SH2B1: variants seen among roughly 807,000 people sequenced by gnomAD.
SH2B1 encodes SH2B adapter protein 1.
In SH2B1, 15 loss-of-function variants were observed where a neutral mutation model predicts 62.6. The ratio of observed to expected loss-of-function variants is 0.24; its 90% CI spans 0.16 to 0.37. The LOEUF (loss-of-function observed/expected upper bound fraction) is 0.37, where lower values mean the gene tolerates loss of function less well. Among genes scored for constraint, SH2B1 ranks in the 10% least tolerant of loss-of-function variants. SH2B1 has a pLI of 1.00. For missense variants in SH2B1, 925 were observed against 1,015.6 expected, an observed-to-expected ratio of 0.91 and a Z score of 1.21; for synonymous variants, 443 against 438.0, an observed-to-expected ratio of 1.01 and a Z score of -0.14.
Position 28,852,558 on chromosome 16 carries a change from TTA to T in SH2B1, c.-301+5740_-301+5741del, listed in dbSNP as rs1231346104. On this transcript the variant is annotated intron_variant, in intron 1 of 10. Transcript: ENST00000322610. Reference sequence around the variant, plus strand: ...CATATATTTATATATATACACATATTTATATATATACACATATATATTTATAT... The same window carrying T: ...CATATATTTATATATATACACATATTTATATATACACATATATATTTATAT... 7.0e-4 allele frequency among the ~76,000 whole-genome samples: 12 copies of T among 17,260 alleles called. 4 individuals carry two copies. Among genetic ancestry groups the T allele is most frequent in the African/African-American group, 1.3e-3 (2 of 1,536 alleles). The allele number at this position is 17,260 out of a possible 152,430, so 11.3% of individuals were successfully genotyped here.
Position 28,871,962 on chromosome 16 carries a change from G to T in SH2B1, c.1492G>T (p.Asp498Tyr). 1 of 1,607,690 alleles carries T rather than the reference G, an allele frequency of 6.2e-7. No individual in the cohort carries two copies. The highest frequency in any genetic ancestry group is 1.3e-5 in the African/African-American group (1 of 74,628). The part of the protein sequence containing the change: ...HPLSAPYPPL[D>Y]TPETATGSFL... ...CCTCTCAGCCCCCTACCCTCCCTTG[G>T]ACACTCCGGAAACAGCCACAGGTAC... The change falls in exon 5 of 8, where the codon GAC becomes TAC. Residue 498 changes from aspartate to tyrosine, a missense_variant. Asp to Tyr is a radical substitution (Grantham distance 160). This residue lies in a region of SH2B1 where 683 missense variants were observed against 704.0 expected (regional missense o/e 0.97). Coordinates refer to ENST00000684370, the MANE Select transcript of SH2B1 (RefSeq NM_001387430.1).
chr16:28,853,543 A>G (rs1394998647), intron 1 of SH2B1, among the ~76,000 whole-genome samples: 2 of 128,070 alleles, frequency 1.6e-5, no homozygotes, highest in Non-Finnish European at 1.6e-5. Context: ...TTTTGTAGAG[A>G]CGGGGTCTCC....
In SH2B1 at chr16:28,864,321, C is replaced by G; in HGVS notation, c.-1774C>G. 1.0e-6 allele frequency: 1 copy of G among 993,764 alleles called. No homozygotes were observed. Among genetic ancestry groups the G allele is most frequent in the South Asian group, 4.4e-5 (1 of 22,984 alleles). The allele number at this position is 993,764 out of a possible 1,614,324, so 61.6% of individuals were successfully genotyped here. On this transcript the variant is annotated 5_prime_UTR_variant, in exon 1 of 8. Coordinates refer to ENST00000684370, the MANE Select transcript of SH2B1 (RefSeq NM_001387430.1). ...CTTGGCAGAAGAGAAACTGAGTCAC[C>G]AGCTTAGGAGTCGCAGGGTCAGCGG...
intron 4 of SH2B1, among the ~76,000 whole-genome samples, chr16:28,870,583 T>G (rs1962971104): frequency 6.6e-6 from 1 of 152,076 alleles, no homozygotes; most frequent in Non-Finnish European, 1.5e-5. Context: ...GGAGCATCTT[T>G]GATGCCTCTT....
At chr16:28,856,778 C>T (rs1403111004) in intron 1 of SH2B1, among the ~76,000 whole-genome samples, 50 of 152,134 alleles carry the variant, frequency 3.3e-4, no homozygotes, top group Non-Finnish European at 1.5e-5. Context: ...GGCACCAACC[C>T]CATTACATCG....
In SH2B1 at chr16:28,863,893, AGCCGCCGCCGCC is replaced by A. The variant is rs55893769; in HGVS notation, c.-2188_-2177del. 0.05 allele frequency: 74,574 copies of A among 1,493,216 alleles called. 2,116 individuals carry two copies. The highest frequency in any genetic ancestry group is 0.056 in the Non-Finnish European group (62,992 of 1,126,808). The allele number at this position is 1,493,216 out of a possible 1,614,324, so 92.5% of individuals were successfully genotyped here. On this transcript the variant is annotated 5_prime_UTR_variant, in exon 1 of 8. Transcript: ENST00000684370. ...AGTGGGTGGGGGCGCAGGGAGCGGG[AGCCGCCGCCGCC>A]GCCGCCGCCGCCGGAGCTAACCTCG... is the stretch of plus-strand genomic sequence containing the variant.
rs138738239 is a variant in SH2B1, at chr16:28,855,511, G to A, written c.-300-6107G>A. Among the ~76,000 whole-genome samples, 90 of 152,178 alleles carry A rather than the reference G, an allele frequency of 5.9e-4. 6 individuals are homozygous for A. The East Asian group carries it at 0.017, about 28-fold the overall frequency. The stretch of plus-strand genomic sequence containing the variant: ...GCTGGGAGTACAGGCATGAGCCACC[G>A]CGCCCGGCCCCCATGATTGTTTCTA... On this transcript the variant is annotated intron_variant, in intron 1 of 10. Coordinates refer to the SH2B1 transcript ENST00000322610.
Position 28,873,533 on chromosome 16 carries a change from A to G in SH2B1, c.1984A>G (p.Arg662Gly), listed in dbSNP as rs1354503562. The G allele has an allele frequency of 6.2e-7, 1 of 1,605,060 alleles. No individual in the cohort carries two copies. Among genetic ancestry groups the G allele is most frequent in the Non-Finnish European group, 8.5e-7 (1 of 1,176,366 alleles). The change falls in exon 8 of 8, where the codon AGG (arginine) becomes GGG (glycine). Residue 662 changes from arginine (R) to glycine (G), a missense_variant. Arg to Gly is a moderately radical substitution (Grantham distance 125). Transcript: ENST00000684370. The surrounding 1 kb of genome is among the most constrained non-coding windows in gnomAD (Gnocchi z 4.2). ...ACAGCCTGGGGCAGAAGAGGCGTCGAGGGCGCCAGAAGTGGCGGCAGCAGC... is the reference window on the plus strand; with the variant it reads ...ACAGCCTGGGGCAGAAGAGGCGTCGGGGGCGCCAGAAGTGGCGGCAGCAGC... The part of the protein sequence containing the change: ...PPQPGAEEAS[R>G]APEVAAAAAA...
In SH2B1 at chr16:28,864,404, C is replaced by T; in HGVS notation, c.-1691C>T. ...GAGGATTGGGTGGGCCTGTGTGAGC[C>T]GAGGTGGCCGCTGGCTGGAGATTGG... On this transcript the variant is annotated 5_prime_UTR_variant, in exon 1 of 8. Transcript: ENST00000684370. 2.0e-6 allele frequency: 2 copies of T among 986,774 alleles called. No individual in the cohort carries two copies. Among genetic ancestry groups the T allele is most frequent in the Non-Finnish European group, 2.4e-6 (2 of 830,698 alleles). The allele number at this position is 986,774 out of a possible 1,614,324, so 61.1% of individuals were successfully genotyped here. A position where few individuals can be genotyped will look rare whatever the true frequency, so the allele number is the denominator to read the frequency against.
intron 1 of SH2B1, among the ~76,000 whole-genome samples, chr16:28,854,177 C>T (rs1411305004): frequency 1.3e-5 from 2 of 151,794 alleles, no homozygotes; most frequent in Non-Finnish European, 2.9e-5. Flanking sequence ...CCTGTAGTTC[C>T]AGCTCTGTGG....
rs55893769 is a variant in SH2B1, at chr16:28,863,893, A to AGCCGCCGCCGCCGCC, written c.-2191_-2177dup. The AGCCGCCGCCGCCGCC allele has an allele frequency of 6.0e-6, 9 of 1,494,134 alleles. No homozygotes were observed. Among genetic ancestry groups the AGCCGCCGCCGCCGCC allele is most frequent in the Middle Eastern group, 2.4e-4 (1 of 4,248 alleles). 92.6% of individuals were successfully genotyped at this position (1,494,134 alleles called of 1,614,324 possible). A position where few individuals can be genotyped will look rare whatever the true frequency, so the allele number is the denominator to read the frequency against. Reference sequence around the variant, plus strand: ...AGTGGGTGGGGGCGCAGGGAGCGGGAGCCGCCGCCGCCGCCGCCGCCGCCG... The same window carrying AGCCGCCGCCGCCGCC: ...AGTGGGTGGGGGCGCAGGGAGCGGGAGCCGCCGCCGCCGCCGCCGCCGCCGCCGCCGCCGCCGCCG... On this transcript the variant is annotated 5_prime_UTR_variant, in exon 1 of 8. Transcript: ENST00000684370.
At chr16:28,863,366 C>T (rs1407870958), upstream of SH2B1, 1 of 297,640 alleles carries the variant, frequency 3.4e-6, no homozygotes, top group Non-Finnish European at 6.3e-6. Flanking sequence ...GCTCCGCCTC[C>T]CCGCAGGGCC....
rs866377278 is a variant in SH2B1, at chr16:28,852,392, A to T, written c.-301+5565A>T. Among the ~76,000 whole-genome samples, 47 of 72,348 alleles carry T rather than the reference A, an allele frequency of 6.5e-4. 13 individuals carry two copies. The highest frequency in any genetic ancestry group is 2.1e-3 in the African/African-American group (31 of 15,020). The allele number at this position is 72,348 out of a possible 152,430, so 47.5% of individuals were successfully genotyped here. On this transcript the variant is annotated intron_variant, in intron 1 of 10. Transcript: ENST00000322610. ...TATATATTTACATATATTTATATAT[A>T]TACATATATATTTACATATATATTT...
At position 28,874,158 on chromosome 16, in the gene SH2B1, TA is replaced by T. The variant is rs1179860839; in HGVS notation, c.*341del. On this transcript the variant is annotated 3_prime_UTR_variant, in exon 8 of 8. Coordinates refer to ENST00000684370, the MANE Select transcript of SH2B1 (RefSeq NM_001387430.1). ...ATTAAGGTGGTTGTTGTTGTTGTTT[TA>T]AACAAAATGGAGAAGCATAAATAAA... 7.9e-6 allele frequency: 2 copies of T among 254,258 alleles called. No individual in the cohort carries two copies. The highest frequency in any genetic ancestry group is 1.5e-5 in the Non-Finnish European group (2 of 134,412). 15.8% of individuals were successfully genotyped at this position (254,258 alleles called of 1,614,324 possible).
chr16:28,853,872 A>G (rs1962263271), intron 1 of SH2B1, among the ~76,000 whole-genome samples: 1 of 151,446 alleles, frequency 6.6e-6, no homozygotes, highest in Non-Finnish European at 1.5e-5. Context: ...TAGGTGGTGC[A>G]CGCCTGTAGT....
In SH2B1 at chr16:28,865,090, G is replaced by C. The variant is rs960856710; in HGVS notation, c.-1005G>C. On this transcript the variant is annotated 5_prime_UTR_variant, in exon 1 of 8. Coordinates refer to ENST00000684370, the MANE Select transcript of SH2B1 (RefSeq NM_001387430.1). Reference sequence around the variant, plus strand: ...ATGGCCTTAACCAGAAGGCTAACCTGCCTTTAGGGCATACTCCCCAGTGGG... The same window carrying C: ...ATGGCCTTAACCAGAAGGCTAACCTCCCTTTAGGGCATACTCCCCAGTGGG... 52 of 985,414 alleles carry C rather than the reference G, an allele frequency of 5.3e-5. No homozygotes were observed. The highest frequency in any genetic ancestry group is 5.5e-5 in the Non-Finnish European group (46 of 829,964). The allele number at this position is 985,414 out of a possible 1,614,324, so 61.0% of individuals were successfully genotyped here.
rs547618221 is a variant in SH2B1, at chr16:28,865,596, G to T, written c.-499G>T. The stretch of plus-strand genomic sequence containing the variant: ...TGAGCTTCGGTTTCCTCATCTGTTC[G>T]AGAGGTCTTTGAAACCTCTCAGGGA... On this transcript the variant is annotated 5_prime_UTR_variant, in exon 1 of 8. Transcript: ENST00000684370. The T allele has an allele frequency of 8.6e-5, 85 of 986,252 alleles. No individual in the cohort carries two copies. The African/African-American group carries it at 1.4e-3, about 17-fold the overall frequency. 61.1% of individuals were successfully genotyped at this position (986,252 alleles called of 1,614,324 possible).
chr16:28,869,358 C>A lies in SH2B1; in HGVS notation c.1284C>A (p.Ser428Arg). The change falls in exon 4 of 8, where the codon AGC (serine) becomes AGA (arginine). Residue 428 changes from serine to arginine, a missense_variant. By Grantham distance (110) the Ser-to-Arg change is moderately radical (BLOSUM62 -1). This residue lies in a region of SH2B1 where 683 missense variants were observed against 704.0 expected (regional missense o/e 0.97). Transcript: ENST00000684370. ...GCCAGGACCTGCTGCTTGGACCCAG[C>A]GAGAGCAATGACCGCCTGTCGCAGG... Reference protein sequence around the residue: ...LPSQDLLLGPSESNDRLSQGA... With the variant: ...LPSQDLLLGPRESNDRLSQGA... 1 of 1,613,906 alleles carries A rather than the reference C, an allele frequency of 6.2e-7. No individual in the cohort carries two copies. The highest frequency in any genetic ancestry group is 2.2e-5 in the East Asian group (1 of 44,880).
intron 1 of SH2B1, among the ~76,000 whole-genome samples, chr16:28,849,729 C>G (rs1962056329): frequency 6.6e-6 from 1 of 152,104 alleles, no homozygotes; most frequent in Non-Finnish European, 1.5e-5. Flanking sequence ...GAGTTCGAGA[C>G]CAGCCTGGCC....
Sources: allele counts gnomAD v4.1 joint callset (sites outside exome capture counted in the v4.1 genomes callset), GRCh38; gene constraint gnomAD v4.1.1; regional missense constraint gnomAD v4.1.1; non-coding constraint Gnocchi (gnomAD v3.1); transcripts MANE v1.5; gene names NCBI Gene and HGNC (gene_info 2026-07-23, HGNC 2026-07-21).